WDR90: variants seen among roughly 807,000 people sequenced by gnomAD.
The protein encoded by WDR90 is WD repeat domain 90, also known as WD repeat-containing protein 90.
In WDR90, 238 loss-of-function variants were observed where a neutral mutation model predicts 195.2. The ratio of observed to expected loss-of-function variants is 1.22; its 90% confidence interval spans 1.10 to 1.36. The LOEUF is 1.36. WDR90 is among the 40% of genes most tolerant of loss of function. WDR90 has a pLI of 0.00. For synonymous variants in WDR90, 1,265 were observed against 1,052.4 expected, an observed-to-expected ratio of 1.20 and a Z score of -3.91; for missense variants, 2,734 against 2,439.5, an observed-to-expected ratio of 1.12 and a Z score of -2.54.
In WDR90 at chr16:666,891, C is replaced by A. The variant is rs2038084543; in HGVS notation, c.5005-14C>A. On this transcript the variant is annotated splice_polypyrimidine_tract_variant and intron_variant, in intron 39 of 40. Transcript: ENST00000293879. Reference sequence around the variant, plus strand: ...GAGCCCACAGGCCTGGAGCCTCACGCTGGCTGCTCACAGGTGGTGGAGAAG... The same window carrying A: ...GAGCCCACAGGCCTGGAGCCTCACGATGGCTGCTCACAGGTGGTGGAGAAG... 1.9e-6 allele frequency: 3 copies of A among 1,613,020 alleles called. No individual in the cohort carries two copies. The highest frequency in any genetic ancestry group is 2.5e-6 in the Non-Finnish European group (3 of 1,179,968).
chr16:667,082 C>T (rs1256801086), intron 40 of WDR90, 93 bp downstream of exon 40: 14 of 1,329,714 alleles, frequency 1.1e-5, no homozygotes, highest in Non-Finnish European at 1.4e-5. Flanking sequence ...CTCACCTGTG[C>T]CCCGGGCTCC....
At chr16:651,380 C>A in intron 7 of WDR90, 114 bp downstream of exon 7, 1 of 1,258,560 alleles carries the variant, frequency 7.9e-7, no homozygotes, top group East Asian at 2.5e-5. Context: ...GCAGCTGGTG[C>A]AGGGACCCAG....
Position 656,400 on chromosome 16 carries a change from T to C in WDR90, c.2065T>C (p.Ser689Pro). ...SGHLGFLDTL[S>P]RVYHMLARSH... is the part of the protein sequence containing the mutation. ...CCACCTGGGCTTCCTGGACACGCTG[T>C]CCCGGGTGTACCACATGCTGGCTCG... The change falls in exon 18 of 41, where the codon TCC (serine) becomes CCC (proline). Residue 689 changes from serine to proline, a missense_variant. Coordinates refer to ENST00000293879, the MANE Select transcript of WDR90 (RefSeq NM_145294.5). The C allele has an allele frequency of 1.2e-6, 2 of 1,608,380 alleles. No homozygotes were observed. Among genetic ancestry groups the C allele is most frequent in the Non-Finnish European group, 1.7e-6 (2 of 1,179,324 alleles).
upstream of WDR90, chr16:649,212 G>T (rs1265877900): frequency 3.9e-5 from 19 of 486,588 alleles, no homozygotes; most frequent in Non-Finnish European, 5.5e-5. Flanking sequence ...AAAGGGCAGC[G>T]GGATTCGCGG....
In WDR90 at chr16:652,421, G is replaced by T. The variant is rs75789108; in HGVS notation, c.1054-46G>T. 1,234 of 1,557,286 alleles carry T rather than the reference G, an allele frequency of 7.9e-4. 23 individuals carry two copies. In the South Asian group the frequency reaches 0.012, roughly 15 times the overall value. ...CTCGGAGTTGGTCGGGCATTCTGGG[G>T]ACCTGGCTGAGCCTCCCAGGACTTT... On this transcript the variant is annotated intron_variant, in intron 9 of 40. Coordinates refer to ENST00000293879, the MANE Select transcript of WDR90 (RefSeq NM_145294.5).
At chr16:661,817 GGTT>G in intron 31 of WDR90, 30 bp downstream of exon 31, 2 of 1,587,936 alleles carry the variant, frequency 1.3e-6, no homozygotes, top group Middle Eastern at 1.7e-4. Context: ...TGGGCCCAGG[GGTT>G]GTTTTGTGGG....
chr16:666,117 C>T lies in WDR90; in HGVS notation c.4602C>T (p.Ser1534=), dbSNP rs776688349. The T allele has an allele frequency of 6.2e-7, 1 of 1,609,846 alleles. No homozygotes were observed. Among genetic ancestry groups the T allele is most frequent in the East Asian group, 2.2e-5 (1 of 44,794 alleles). The part of the protein sequence containing the change: ...HPVALTTVAF[S]TDGQTVLSGD... ...TGGCGCTGACCACTGTTGCCTTCTC[C>T]ACCGATGGTGAGGAGTTGGGTGTGT... is the stretch of plus-strand genomic sequence containing the variant. Residue 1534 remains serine (S), a synonymous_variant, in exon 36 of 41, where the codon TCC becomes TCT. Coordinates refer to ENST00000293879, the MANE Select transcript of WDR90 (RefSeq NM_145294.5).
chr16:649,084 G>A, upstream of WDR90: 1 of 302,732 alleles, frequency 3.3e-6, no homozygotes, highest in Non-Finnish European at 6.1e-6. Context: ...GCTTGCATGC[G>A]GCGGGAGCCC....
chr16:662,141 C>A lies in WDR90; in HGVS notation c.4034-79C>A, dbSNP rs2037930228. ...GCTGGGGCAGAGGCCTCATCTGTAG[C>A]CCTGGCGTCCGGGCAGCCTTGTGAC... On this transcript the variant is annotated intron_variant, in intron 32 of 40. Transcript: ENST00000293879. 5 of 1,539,192 alleles carry A rather than the reference C, an allele frequency of 3.2e-6. No homozygotes were observed. In the Admixed American group the frequency reaches 7.6e-5, roughly 23 times the overall value.
chr16:655,225 T>C (rs766642534), intron 14 of WDR90, 78 bp downstream of exon 14: 1 of 1,612,182 alleles, frequency 6.2e-7, no homozygotes, highest in Non-Finnish European at 8.5e-7. Flanking sequence ...CACCTCCCCC[T>C]GGCTTGGCTG....
At chr16:653,296 G>T (rs1249946067) in intron 10 of WDR90, 45 bp from the exon 11 acceptor site, 3 of 1,430,176 alleles carry the variant, frequency 2.1e-6, no homozygotes, top group Non-Finnish European at 2.8e-6. Context: ...GCCAGGAGGG[G>T]CCTGGCGTAG....
In WDR90 at chr16:661,573, G is replaced by A. The variant is rs367664598; in HGVS notation, c.3674-24G>A. ...GGGGGGCTGCATCTGTGCACCTGACGTGGCTGCTCTGTGTCCTTCCCAGGG... is the reference window on the plus strand; with the variant it reads ...GGGGGGCTGCATCTGTGCACCTGACATGGCTGCTCTGTGTCCTTCCCAGGG... On this transcript the variant is annotated intron_variant, in intron 30 of 40. Coordinates refer to ENST00000293879, the MANE Select transcript of WDR90 (RefSeq NM_145294.5). 1.8e-5 allele frequency: 28 copies of A among 1,579,098 alleles called. 1 individual carries two copies. The highest frequency in any genetic ancestry group is 1.7e-4 in the Middle Eastern group (1 of 5,948).
chr16:649,588 G>C, intron 1 of WDR90, 162 bp downstream of exon 1: 1 of 1,169,244 alleles, frequency 8.6e-7, no homozygotes, highest in Non-Finnish European at 1.1e-6. Context: ...GGCTCCCGGA[G>C]CTTGGCTTCC....
chr16:659,256 G>A lies in WDR90; in HGVS notation c.3064G>A (p.Gly1022Arg), dbSNP rs112104426. The A allele has an allele frequency of 1.9e-5, 30 of 1,611,490 alleles. No homozygotes were observed. In the African/African-American group the frequency reaches 2.5e-4, roughly 14 times the overall value. Residue 1022 changes from glycine (G) to arginine (R), a missense_variant, in exon 26 of 41, where the codon GGA (glycine) becomes AGA (arginine). Physicochemically the swap from Gly to Arg is moderately radical, Grantham distance 125 (BLOSUM62 -2). Transcript: ENST00000293879. Reference sequence around the variant, plus strand: ...TGCTTCTTCCCCAGGCCCGGGCGCAGGACCGCTGGAGGACGCAGCGTCCAG... The same window carrying A: ...TGCTTCTTCCCCAGGCCCGGGCGCAAGACCGCTGGAGGACGCAGCGTCCAG... ...PPACKTGPGA[G>R]PLEDAASRAS...
Position 656,528 on chromosome 16 carries a change from C to G in WDR90, c.2193C>G (p.Thr731=), listed in dbSNP as rs2037758289. The stretch of plus-strand genomic sequence containing the variant: ...CCGTCCGCATCTGGGACCTGGCCAC[C>G]CTGCAGCAGGTGGGGTTTGGCAGGG... The part of the protein sequence containing the change: ...DRTVRIWDLA[T]LQQLYDFTSS... The change falls in exon 18 of 41, where the codon ACC becomes ACG. Residue 731 remains threonine, a synonymous_variant. Transcript: ENST00000293879. 4.5e-6 allele frequency: 7 copies of G among 1,569,200 alleles called. No homozygotes were observed. Among genetic ancestry groups the G allele is most frequent in the South Asian group, 2.3e-5 (2 of 87,474 alleles).
rs762960909 is a variant in WDR90, at chr16:649,784, A to G, written c.32A>G (p.Asn11Ser). 1.3e-5 allele frequency: 21 copies of G among 1,569,132 alleles called. No individual in the cohort carries two copies. The highest frequency in any genetic ancestry group is 7.1e-5 in the East Asian group (3 of 42,356). The stretch of plus-strand genomic sequence containing the variant: ...GCAGCGTGGCAGCACCCGTTCCTCA[A>G]CGTCTTCAGACACTTCCGGGTGGAC... The part of the protein sequence containing the change: MARAWQHPFL[N>S]VFRHFRVDEW... The change falls in exon 2 of 41, where the codon AAC (asparagine) becomes AGC (serine). Residue 11 changes from asparagine (N) to serine (S), a missense_variant. Coordinates refer to ENST00000293879, the MANE Select transcript of WDR90 (RefSeq NM_145294.5).
In WDR90 at chr16:666,731, T is replaced by C; in HGVS notation, c.4943T>C (p.Leu1648Pro). Residue 1648 changes from leucine (L) to proline (P), a missense_variant, in exon 39 of 41, where the codon CTG becomes CCG. Physicochemically the swap from Leu to Pro is moderately conservative, Grantham distance 98. Transcript: ENST00000293879. ...AAFCPWDGAL[L>P]MYVGPGVYKE... Reference sequence around the variant, plus strand: ...TTCTGCCCTTGGGATGGGGCGCTCCTGATGTACGTGGGCCCCGGTGTTTAC... The same window carrying C: ...TTCTGCCCTTGGGATGGGGCGCTCCCGATGTACGTGGGCCCCGGTGTTTAC... The C allele has an allele frequency of 6.2e-7, 1 of 1,612,836 alleles. No homozygotes were observed.
chr16:649,682 TC>T, intron 1 of WDR90, 80 bp from the exon 2 acceptor site: 2 of 1,360,058 alleles, frequency 1.5e-6, no homozygotes, highest in Non-Finnish European at 1.9e-6. Flanking sequence ...TCCTGCCTGG[TC>T]CCCGAGGCCC....
rs3752494 is a variant in WDR90 at position 665,847 on chromosome 16, A to G, written c.4434+46A>G. The G allele has an allele frequency of 0.43, 652,453 of 1,529,224 alleles. 157,436 individuals carry two copies. Among genetic ancestry groups the G allele is most frequent in the East Asian group, 0.97 (42,661 of 43,780 alleles). 94.7% of individuals were successfully genotyped at this position (1,529,224 alleles called of 1,614,324 possible). A position where few individuals can be genotyped will look rare whatever the true frequency, so the allele number is the denominator to read the frequency against. On this transcript the variant is annotated intron_variant, in intron 35 of 40. Coordinates refer to ENST00000293879, the MANE Select transcript of WDR90 (RefSeq NM_145294.5). ...CCGGGGGCGGGATGGGGGCCTGCTCAGTGGGGGGCCTGGCATGGGCGGGGC... is the reference window on the plus strand; with the variant it reads ...CCGGGGGCGGGATGGGGGCCTGCTCGGTGGGGGGCCTGGCATGGGCGGGGC...
Sources: gnomAD v4.1 joint callset for allele counts on GRCh38, gnomAD v4.1.1 for gene constraint, MANE v1.5 for transcripts, NCBI Gene and HGNC (gene_info 2026-07-23, HGNC 2026-07-21) for gene names.